TAF15: variants seen among roughly 807,000 people sequenced by gnomAD.
TAF15 encodes TATA-binding protein-associated factor 2N.
In TAF15, 37 loss-of-function variants were observed where a neutral mutation model predicts 102.5. The observed-to-expected ratio is 0.36, with a 90% confidence interval of 0.28 to 0.47. The LOEUF is 0.47. Ranked by LOEUF, TAF15 falls within the 20% of genes least tolerant of loss-of-function variation. The pLI is 0.99. For missense variants in TAF15, 652 were observed against 760.7 expected, an observed-to-expected ratio of 0.86 and a Z score of 1.68; for synonymous variants, 273 against 259.2, an observed-to-expected ratio of 1.05 and a Z score of -0.51.
At chr17:35,829,607 G>A (rs1401659036) in intron 7 of TAF15, among the ~76,000 whole-genome samples, 1 of 135,068 alleles carries the variant, frequency 7.4e-6, no homozygotes, top group Non-Finnish European at 1.5e-5. Flanking sequence ...ACTCTGGCCT[G>A]GGAGACAGAG....
intron 7 of TAF15, among the ~76,000 whole-genome samples, chr17:35,825,792 C>CA (rs1254757412): frequency 6.6e-6 from 1 of 151,890 alleles, no homozygotes; most frequent in Non-Finnish European, 1.5e-5. Context: ...ACTAAAAATA[C>CA]AAAAAATTAG....
At chr17:35,816,137 A>C (rs760664589) in intron 1 of TAF15, among the ~76,000 whole-genome samples, 3 of 152,102 alleles carry the variant, frequency 2.0e-5, no homozygotes, top group Admixed American at 6.6e-5. Context: ...TTCATTTACT[A>C]TTCTTAAGCA....
chr17:35,819,885 C>A, intron 2 of TAF15, 139 bp from the exon 3 acceptor site: 1 of 767,408 alleles, frequency 1.3e-6, no homozygotes, highest in Non-Finnish European at 2.2e-6. Flanking sequence ...TCAATTTAGA[C>A]TCTAGAGACA....
chr17:35,834,691 G>A, intron 9 of TAF15, 93 bp downstream of exon 9: 1 of 1,184,688 alleles, frequency 8.4e-7, no homozygotes, highest in Non-Finnish European at 1.2e-6. Flanking sequence ...GCTTAGTACA[G>A]GAGGAAGATT....
At chr17:35,819,429 G>C (rs1049838982) in intron 2 of TAF15, among the ~76,000 whole-genome samples, 4 of 152,080 alleles carry the variant, frequency 2.6e-5, no homozygotes, top group Non-Finnish European at 5.9e-5. Context: ...TATTTATTGA[G>C]CTATGTGCCA....
intron 12 of TAF15, among the ~76,000 whole-genome samples, chr17:35,843,674 C>T (rs1053020562): frequency 2.0e-5 from 3 of 152,124 alleles, no homozygotes; most frequent in African/African-American, 7.2e-5. Flanking sequence ...AGGAAATGGT[C>T]ATGGTCATTG....
intron 2 of TAF15, among the ~76,000 whole-genome samples, chr17:35,819,656 A>G (rs1486957050): frequency 6.6e-6 from 1 of 152,178 alleles, no homozygotes; most frequent in African/African-American, 2.4e-5. Flanking sequence ...TTTTTTGTGT[A>G]GTCATCATTT....
At chr17:35,841,529 C>T (rs750846700) in intron 11 of TAF15, among the ~76,000 whole-genome samples, 23 of 151,716 alleles carry the variant, frequency 1.5e-4, no homozygotes, top group Non-Finnish European at 2.4e-4. Context: ...CCTTAGCCTC[C>T]CAAGTAGCTA....
intron 11 of TAF15, among the ~76,000 whole-genome samples, chr17:35,841,603 C>T (rs1333289087): frequency 6.6e-6 from 1 of 151,936 alleles, no homozygotes; most frequent in Non-Finnish European, 1.5e-5. Context: ...AGGGTTTCCC[C>T]ATGTTGCCCA....
chr17:35,817,684 A>G (rs1362482736), intron 1 of TAF15, 32 bp from the exon 2 acceptor site: 1 of 1,605,186 alleles, frequency 6.2e-7, no homozygotes, highest in Non-Finnish European at 8.5e-7. Context: ...ATAATTTTAA[A>G]TAAGATTTAA....
chr17:35,833,764 G>C (rs570577331), intron 7 of TAF15, 143 bp from the exon 8 acceptor site: 14 of 760,918 alleles, frequency 1.8e-5, no homozygotes, highest in Non-Finnish European at 3.1e-5. Context: ...TTAGAACTCT[G>C]TGAAATGGAA....
intron 7 of TAF15, chr17:35,829,988 A>G (rs1470569868): frequency 1.3e-5 from 2 of 151,988 alleles, no homozygotes; most frequent in Non-Finnish European, 2.9e-5. Flanking sequence ...GAAAATACAA[A>G]AATTAGCTGG....
intron 7 of TAF15, among the ~76,000 whole-genome samples, chr17:35,827,757 A>G (rs1429008601): frequency 6.6e-6 from 1 of 152,138 alleles, no homozygotes; most frequent in Non-Finnish European, 1.5e-5. Flanking sequence ...GATATAAGGT[A>G]AAGGATGGGA....
Position 35,842,348 on chromosome 17 carries a change from C to A in TAF15, c.914-19C>A, listed in dbSNP as rs778957838. On this transcript the variant is annotated intron_variant, in intron 11 of 15. Transcript: ENST00000605844. ...GGTATAGAGTAGCATTGCTTCAAAGCTGATTTCTTTTTTCTTAGGAAAAGA... is the reference window on the plus strand; with the variant it reads ...GGTATAGAGTAGCATTGCTTCAAAGATGATTTCTTTTTTCTTAGGAAAAGA... The A allele has an allele frequency of 2.5e-6, 4 of 1,598,788 alleles. No individual in the cohort carries two copies. In the Admixed American group the frequency reaches 6.7e-5, roughly 27 times the overall value.
rs79909998 is a variant in TAF15 at position 35,834,277 on chromosome 17, G to A, written c.641-289G>A. 14,654 of 421,510 alleles carry A rather than the reference G, an allele frequency of 0.035. 307 individuals carry two copies. The highest frequency in any genetic ancestry group is 0.045 in the Non-Finnish European group (10,855 of 241,874). 26.1% of individuals were successfully genotyped at this position (421,510 alleles called of 1,614,324 possible). On this transcript the variant is annotated intron_variant, in intron 8 of 15. Transcript: ENST00000605844. ...GACATGGTGTTTTTAAATTATTAGG[G>A]TTGTCCAATCAGCCTTTACAACCAG...
Position 35,847,240 on chromosome 17 carries a change from G to T in TAF15, c.*295G>T. 5.0e-6 allele frequency: 3 copies of T among 597,246 alleles called. No individual in the cohort carries two copies. In the South Asian group the frequency reaches 6.3e-5, roughly 13 times the overall value. 37.0% of individuals were successfully genotyped at this position (597,246 alleles called of 1,614,324 possible). On this transcript the variant is annotated 3_prime_UTR_variant, in exon 16 of 16. Coordinates refer to ENST00000605844, the MANE Select transcript of TAF15 (RefSeq NM_139215.3). ...AGGCTGCTTGTTTTTGTGGACTTTTGTACATACTAGTGCATTGTTCTGTCA... is the reference window on the plus strand; with the variant it reads ...AGGCTGCTTGTTTTTGTGGACTTTTTTACATACTAGTGCATTGTTCTGTCA...
intron 1 of TAF15, among the ~76,000 whole-genome samples, chr17:35,812,870 G>T (rs1429904384): frequency 6.6e-6 from 1 of 151,948 alleles, no homozygotes; most frequent in African/African-American, 2.4e-5. Context: ...GCTCATGCCT[G>T]TAATCCCAGC....
Position 35,839,374 on chromosome 17 carries a change from T to A in TAF15, c.913+821T>A, listed in dbSNP as rs1359449157. Among the ~76,000 whole-genome samples, 488 of 109,570 alleles carry A rather than the reference T, an allele frequency of 4.5e-3. 4 individuals carry two copies. The highest frequency in any genetic ancestry group is 0.016 in the African/African-American group (465 of 28,902). The allele number at this position is 109,570 out of a possible 152,430, so 71.9% of individuals were successfully genotyped here. A position where few individuals can be genotyped will look rare whatever the true frequency, so the allele number is the denominator to read the frequency against. On this transcript the variant is annotated intron_variant, in intron 11 of 15. Coordinates refer to ENST00000605844, the MANE Select transcript of TAF15 (RefSeq NM_139215.3). ...TACATACTTAGAAGAAATAGACTTT[T>A]TTTTTTTTTTTTTTTTTTTTTTTTT...
At chr17:35,812,394 C>A (rs1010686374) in intron 1 of TAF15, among the ~76,000 whole-genome samples, 3 of 151,692 alleles carry the variant, frequency 2.0e-5, no homozygotes, top group African/African-American at 7.3e-5. Flanking sequence ...GTCGAGAGTT[C>A]GAGACCAGCT....
Sources: allele counts gnomAD v4.1 joint callset (sites outside exome capture counted in the v4.1 genomes callset), GRCh38; gene constraint gnomAD v4.1.1; transcripts MANE v1.5; gene names NCBI Gene and HGNC (gene_info 2026-07-23, HGNC 2026-07-21).